LRP1B: variants seen among roughly 807,000 people sequenced by gnomAD.
The protein encoded by LRP1B is low-density lipoprotein receptor-related protein 1B.
Under a neutral mutation model 556.6 loss-of-function variants are expected in LRP1B, and 217 were observed. The ratio of observed to expected loss-of-function variants is 0.39; its 90% CI spans 0.35 to 0.44. The LOEUF (loss-of-function observed/expected upper bound fraction) is 0.44, where lower values mean the gene tolerates loss of function less well. Among genes scored for constraint, LRP1B ranks in the 20% least tolerant of loss-of-function variants. The pLI is 1.00. For synonymous variants in LRP1B, 2,047 were observed against 1,865.8 expected (o/e 1.10, Z -2.50); for missense variants, 5,053 against 5,620.8 (o/e 0.90, Z 3.23).
At chr2:141,408,887 A>G (rs7561298) in intron 3 of LRP1B, among the ~76,000 whole-genome samples, 12,395 of 152,214 alleles carry the variant, frequency 0.081, 1,088 homozygotes, top group African/African-American at 0.22. Flanking sequence ...TTATGTGTGT[A>G]ATAAAAAAGG....
chr2:140,318,202 C>G (rs573749916), intron 82 of LRP1B, among the ~76,000 whole-genome samples: 1 of 152,082 alleles, frequency 6.6e-6, no homozygotes, highest in Admixed American at 6.6e-5. Flanking sequence ...TTATCTTCAG[C>G]AATCAATAAT....
chr2:141,024,498 C>A (rs973606968), intron 11 of LRP1B, among the ~76,000 whole-genome samples: 2 of 151,972 alleles, frequency 1.3e-5, no homozygotes, highest in Non-Finnish European at 2.9e-5. Flanking sequence ...GGATACAGAT[C>A]ATCACTCTAT....
chr2:141,537,993 G>C (rs527472923), intron 2 of LRP1B, among the ~76,000 whole-genome samples: 2 of 152,094 alleles, frequency 1.3e-5, no homozygotes, highest in Non-Finnish European at 2.9e-5. Context: ...TCCGAACATT[G>C]TATCCTGGGT....
At chr2:140,706,400 T>C (rs184849439) in intron 37 of LRP1B, among the ~76,000 whole-genome samples, 1 of 152,184 alleles carries the variant, frequency 6.6e-6, no homozygotes, top group Non-Finnish European at 1.5e-5. Flanking sequence ...AAATGCTATA[T>C]TGTGTAACTG....
chr2:141,486,543 T>A (rs574539833), intron 2 of LRP1B, among the ~76,000 whole-genome samples: 2 of 152,248 alleles, frequency 1.3e-5, no homozygotes, highest in Admixed American at 1.3e-4. Flanking sequence ...TAACTGCACT[T>A]GTCACAACAT....
intron 2 of LRP1B, among the ~76,000 whole-genome samples, chr2:141,558,767 A>G (rs1233927314): frequency 6.6e-6 from 1 of 151,812 alleles, no homozygotes; most frequent in Non-Finnish European, 1.5e-5. Flanking sequence ...TCAAGACCTA[A>G]GTAGGTCAAC....
At chr2:140,770,856 G>A (rs2104938646) in intron 34 of LRP1B, 25 bp downstream of exon 34, 1 of 1,523,982 alleles carries the variant, frequency 6.6e-7, no homozygotes, top group Non-Finnish European at 8.7e-7. Flanking sequence ...ATGAACCAGA[G>A]GTAAGGTTTT....
At chr2:141,240,298 T>G (rs1683815547) in intron 5 of LRP1B, among the ~76,000 whole-genome samples, 1 of 152,106 alleles carries the variant, frequency 6.6e-6, no homozygotes, top group Non-Finnish European at 1.5e-5. Flanking sequence ...GATTTTTTTT[T>G]CAGTCCCTGT....
At chr2:141,153,674 G>C (rs546402607) in intron 7 of LRP1B, among the ~76,000 whole-genome samples, 2 of 144,372 alleles carry the variant, frequency 1.4e-5, no homozygotes, top group Non-Finnish European at 3.0e-5. Flanking sequence ...CTCACATAGC[G>C]CAGTAAACTA....
intron 83 of LRP1B, among the ~76,000 whole-genome samples, chr2:140,311,279 C>T (rs990799294): frequency 2.6e-5 from 4 of 151,740 alleles, no homozygotes; most frequent in Non-Finnish European, 5.9e-5. Flanking sequence ...AGTCAACCTA[C>T]GTGTTCAGCG....
At chr2:141,626,580 AAT>A (rs1416798707) in intron 2 of LRP1B, among the ~76,000 whole-genome samples, 3 of 152,218 alleles carry the variant, frequency 2.0e-5, no homozygotes, top group African/African-American at 7.2e-5. Context: ...TATTTTACAA[AAT>A]ATACAAAAAA....
chr2:142,100,769 T>C (rs908746276), intron 1 of LRP1B, among the ~76,000 whole-genome samples: 2 of 152,004 alleles, frequency 1.3e-5, no homozygotes, highest in African/African-American at 4.8e-5. Flanking sequence ...GCTTTAAGGA[T>C]TCTTTAAGAT....
intron 2 of LRP1B, among the ~76,000 whole-genome samples, chr2:141,729,880 T>C (rs906649): frequency 0.89 from 134,662 of 152,104 alleles, 59,838 homozygotes; most frequent in Non-Finnish European, 0.92. Flanking sequence ...ACATGGGATC[T>C]GATAGAGCAA....
At chr2:141,271,782 A>C (rs542112791) in intron 3 of LRP1B, among the ~76,000 whole-genome samples, 57 of 151,780 alleles carry the variant, frequency 3.8e-4, no homozygotes, top group Middle Eastern at 3.4e-3. Context: ...AAAAAAAAAA[A>C]AACCCAGGAT....
intron 66 of LRP1B, among the ~76,000 whole-genome samples, chr2:140,433,762 T>C (rs920038911): frequency 3.3e-5 from 5 of 152,024 alleles, no homozygotes; most frequent in African/African-American, 9.7e-5. Flanking sequence ...AATCGAAATA[T>C]AGTTTTGAAA....
chr2:141,961,966 T>A (rs983851972), intron 1 of LRP1B, among the ~76,000 whole-genome samples: 1 of 151,764 alleles, frequency 6.6e-6, no homozygotes, highest in African/African-American at 2.4e-5. Flanking sequence ...ATTTCAAGAT[T>A]ATTTAAATTA....
At chr2:142,127,636 T>G (rs1707703446) in intron 1 of LRP1B, among the ~76,000 whole-genome samples, 3 of 152,022 alleles carry the variant, frequency 2.0e-5, no homozygotes, top group Admixed American at 2.0e-4. Flanking sequence ...TTTAATGTTA[T>G]TTGTGGCATA....
At chr2:141,255,052 T>A (rs1684410170) in intron 3 of LRP1B, among the ~76,000 whole-genome samples, 1 of 152,074 alleles carries the variant, frequency 6.6e-6, no homozygotes, top group African/African-American at 2.4e-5. Flanking sequence ...TAGCAATCAA[T>A]GTGAATATAT....
intron 33 of LRP1B, among the ~76,000 whole-genome samples, chr2:140,774,579 C>T (rs1287522398): frequency 6.6e-6 from 1 of 152,062 alleles, no homozygotes. Flanking sequence ...TTCCCTCTCT[C>T]TGTCATATTT....
Sources: gnomAD v4.1 joint callset for allele counts (sites outside exome capture counted in the v4.1 genomes callset) on GRCh38, gnomAD v4.1.1 for gene constraint, MANE v1.5 for transcripts, NCBI Gene and HGNC (gene_info 2026-07-23, HGNC 2026-07-21) for gene names.